Variants in ASB11 observed in about 807,000 individuals in gnomAD.
ASB11 encodes ankyrin repeat and SOCS box protein 11.
In ASB11, 17 loss-of-function variants were observed where a neutral mutation model predicts 20.1. That is an observed-to-expected ratio of 0.85 (90% CI 0.58 to 1.27). The LOEUF is 1.27. Ranked by LOEUF, ASB11 falls within the 50% of genes most tolerant of loss-of-function variation. The pLI is 0.00. For synonymous variants in ASB11, 107 were observed against 105.6 expected (o/e 1.01, Z -0.08); for missense variants, 259 against 256.9 (o/e 1.01, Z -0.06).
intron 1 of ASB11, among the ~76,000 whole-genome samples, chrX:15,314,063 A>G (rs1921530052): frequency 9.3e-6 from 1 of 108,044 alleles, no homozygotes; most frequent in Non-Finnish European, 1.9e-5. Flanking sequence ...ATCTCAAAAA[A>G]AAAAAAAAAA....
At chrX:15,301,878 G>A (rs1015810975) in intron 2 of ASB11, among the ~76,000 whole-genome samples, 1 of 111,975 alleles carries the variant, frequency 8.9e-6, no homozygotes, top group Non-Finnish European at 1.9e-5. Flanking sequence ...TTAAAATAGT[G>A]TATCATTGGG....
intron 2 of ASB11, among the ~76,000 whole-genome samples, chrX:15,301,637 G>T (rs1921072944): frequency 8.9e-6 from 1 of 111,849 alleles, no homozygotes; most frequent in East Asian, 2.8e-4. Context: ...AGAAAGACAT[G>T]ATGGCTTACC....
chrX:15,284,189 T>G (rs191798849), intron 6 of ASB11, among the ~76,000 whole-genome samples: 1,556 of 103,430 alleles, frequency 0.015, 28 homozygotes, highest in African/African-American at 0.053. Context: ...GAGGCGGAGC[T>G]TGCAGTGAGC....
intron 1 of ASB11, among the ~76,000 whole-genome samples, chrX:15,306,213 A>T (rs1213123956): frequency 8.9e-6 from 1 of 112,346 alleles, no homozygotes; most frequent in Non-Finnish European, 1.9e-5. Context: ...TGTTATTGTG[A>T]TTAGTGCTGT....
At position 15,293,338 on chromosome X, in the gene ASB11, G is replaced by C; in HGVS notation, c.370-18C>G. 1.7e-6 allele frequency: 2 copies of C among 1,190,559 alleles called. No homozygotes were observed. Among genetic ancestry groups the C allele is most frequent in the Non-Finnish European group, 2.3e-6 (2 of 884,474 alleles). ...CCATTGACCTAATGATGGGCAAAGA[G>C]AGACCCAAAGGATTTGTTATTTCAT... On this transcript the variant is annotated intron_variant, in intron 3 of 6. Coordinates refer to ENST00000480796, the MANE Select transcript of ASB11 (RefSeq NM_080873.3).
At chrX:15,297,749 T>G (rs1049247517) in intron 2 of ASB11, 68 bp from the exon 3 acceptor site, 1 of 1,043,815 alleles carries the variant, frequency 9.6e-7, no homozygotes, top group Non-Finnish European at 1.3e-6. Context: ...TTGCCCAGGC[T>G]GGTCTCAAAC....
At chrX:15,310,819 C>T (rs1921408762) in intron 1 of ASB11, among the ~76,000 whole-genome samples, 1 of 111,397 alleles carries the variant, frequency 9.0e-6, no homozygotes, top group South Asian at 3.8e-4. Context: ...GAAACCCTGT[C>T]TCTACTAAAA....
chrX:15,299,547 A>G (rs1423355800), intron 2 of ASB11, among the ~76,000 whole-genome samples: 2 of 111,257 alleles, frequency 1.8e-5, no homozygotes, highest in African/African-American at 6.5e-5. Flanking sequence ...AATGTTTCTT[A>G]TCAGACTTAA....
rs754875163 is a variant in ASB11 at position 15,302,793 on chromosome X, G to A, written c.196C>T (p.Arg66Ter). 10 of 1,210,019 alleles carry A rather than the reference G, an allele frequency of 8.3e-6. No individual in the cohort carries two copies. Among genetic ancestry groups the A allele is most frequent in the East Asian group, 3.0e-5 (1 of 33,792 alleles). The change falls in exon 2 of 7, where the codon CGA becomes TGA. Residue 66 changes from arginine (R) to a stop codon, truncating the protein, a stop_gained. Transcript: ENST00000480796. LOFTEE classifies it high-confidence loss of function. Reference sequence around the variant, plus strand: ...GCTGCAGCTTCATGAAGTGGGGATCGATCAGCCCAGCAATCTGAAACACAA... The same window carrying A: ...GCTGCAGCTTCATGAAGTGGGGATCAATCAGCCCAGCAATCTGAAACACAA... ...YGGISDCWAD[R>*]SPLHEAAAQG...
At position 15,282,415 on chromosome X, in the gene ASB11, CTTT is replaced by C. The variant is rs912003074; in HGVS notation, c.*1087_*1089del. The C allele has an allele frequency of 3.6e-5, 4 of 111,367 alleles. No homozygotes were observed. The highest frequency in any genetic ancestry group is 9.8e-5 in the African/African-American group (3 of 30,625). The allele number at this position is 111,367 out of a possible 1,213,427, so 9.2% of individuals were successfully genotyped here. ...GGAGAAGACAGAAAAGGAGAAGCCTCTTTTTATATACCTTTGTGCTTATTTTGG... is the reference window on the plus strand; with the variant it reads ...GGAGAAGACAGAAAAGGAGAAGCCTCTTATATACCTTTGTGCTTATTTTGG... On this transcript the variant is annotated 3_prime_UTR_variant, in exon 7 of 7. Transcript: ENST00000480796.
chrX:15,307,028 G>T (rs1921266536), intron 1 of ASB11, among the ~76,000 whole-genome samples: 1 of 112,112 alleles, frequency 8.9e-6, no homozygotes, highest in African/African-American at 3.2e-5. Flanking sequence ...GTCAACCTGA[G>T]TCACTTGAAG....
chrX:15,308,730 T>C (rs1301109980), intron 1 of ASB11, among the ~76,000 whole-genome samples: 1 of 111,827 alleles, frequency 8.9e-6, no homozygotes, highest in Non-Finnish European at 1.9e-5. Flanking sequence ...CACCTTGTTC[T>C]GGTTTTAAGA....
At chrX:15,296,059 TCACTAAAAATACAAAAATTACTG>T (rs1390452246) in intron 3 of ASB11, among the ~76,000 whole-genome samples, 21 of 111,801 alleles carry the variant, frequency 1.9e-4, no homozygotes, top group Admixed American at 3.8e-4. Flanking sequence ...ATCGCTGGTT[TCACTAAAAATACAAAAATTACTG>T]CACTAAAAAT....
chrX:15,297,798 G>A, intron 2 of ASB11, 117 bp from the exon 3 acceptor site: 1 of 655,194 alleles, frequency 1.5e-6, no homozygotes, highest in Non-Finnish European at 2.4e-6. Flanking sequence ...AGCATCCTGA[G>A]TAGCTGGGAT....
intron 4 of ASB11, among the ~76,000 whole-genome samples, chrX:15,290,612 A>C (rs1238815023): frequency 1.8e-5 from 2 of 112,217 alleles, no homozygotes; most frequent in East Asian, 5.6e-4. Context: ...TTTGTTCAGG[A>C]GAGAGTGCTT....
intron 1 of ASB11, among the ~76,000 whole-genome samples, chrX:15,308,479 AG>A (rs1309592104): frequency 2.2e-4 from 25 of 111,671 alleles, no homozygotes; most frequent in African/African-American, 7.2e-4. Context: ...TGTCTCTCTA[AG>A]CAGATTTCCA....
chrX:15,288,077 A>G lies in ASB11; in HGVS notation c.656-5T>C, dbSNP rs774365256. On this transcript the variant is annotated splice_polypyrimidine_tract_variant and splice_region_variant and intron_variant, in intron 5 of 6. Coordinates refer to ENST00000480796, the MANE Select transcript of ASB11 (RefSeq NM_080873.3). ...GGCCATGGTCGACACTGGCTCCTTA[A>G]CAAAACAGATGGCCACAATTCAACA... is the stretch of plus-strand genomic sequence containing the variant. 3 of 1,202,188 alleles carry G rather than the reference A, an allele frequency of 2.5e-6. No individual in the cohort carries two copies. The highest frequency in any genetic ancestry group is 3.4e-6 in the Non-Finnish European group (3 of 890,628).
chrX:15,306,340 A>G (rs748333039), intron 1 of ASB11, among the ~76,000 whole-genome samples: 17 of 112,278 alleles, frequency 1.5e-4, no homozygotes, highest in Admixed American at 1.4e-3. Flanking sequence ...AAAAATTTTT[A>G]ACATGAGCAT....
intron 4 of ASB11, 107 bp downstream of exon 4, chrX:15,293,063 G>T: frequency 1.0e-6 from 1 of 987,971 alleles, no homozygotes; most frequent in Non-Finnish European, 1.4e-6. Flanking sequence ...TATTCTAATG[G>T]TGAGGAAGAT....
Sources: gnomAD v4.1 joint callset for allele counts (sites outside exome capture counted in the v4.1 genomes callset) on GRCh38, gnomAD v4.1.1 for gene constraint, MANE v1.5 for transcripts, NCBI Gene and HGNC (gene_info 2026-07-23, HGNC 2026-07-21) for gene names.